The following SSPN variants were observed in gnomAD, a reference collection of about 807,000 sequenced individuals.
The protein encoded by SSPN is sarcospan, also known as K-ras oncogene-associated protein.
Under a neutral mutation model 19.1 loss-of-function variants are expected in SSPN, and 15 were observed. The ratio of observed to expected loss-of-function variants is 0.78; its 90% CI spans 0.52 to 1.21. The LOEUF (loss-of-function observed/expected upper bound fraction) is 1.21, where lower values mean the gene tolerates loss of function less well. Among genes scored for constraint, SSPN ranks in the 50% most tolerant of loss-of-function variants. The pLI is 0.00. For synonymous variants in SSPN, 147 were observed against 140.3 expected, an observed-to-expected ratio of 1.05 and a Z score of -0.34; for missense variants, 291 against 314.0, an observed-to-expected ratio of 0.93 and a Z score of 0.55.
At chr12:26,153,582 A>G (rs1289126469) in intron 1 of SSPN, among the ~76,000 whole-genome samples, 1 of 152,222 alleles carries the variant, frequency 6.6e-6, no homozygotes, top group Non-Finnish European at 1.5e-5. Flanking sequence ...TGAATAATGA[A>G]TAAACAGAAG....
chr12:26,131,624 A>T (rs1171566972), intron 1 of SSPN, among the ~76,000 whole-genome samples: 1 of 152,200 alleles, frequency 6.6e-6, no homozygotes. Flanking sequence ...TAAATGAGGG[A>T]GGAAAGAAGA....
chr12:26,130,695 G>C (rs1302262375), intron 1 of SSPN, among the ~76,000 whole-genome samples: 1 of 152,020 alleles, frequency 6.6e-6, no homozygotes, highest in Non-Finnish European at 1.5e-5. Context: ...GTTCTTTTTT[G>C]GTCACATAAA....
intron 2 of SSPN, among the ~76,000 whole-genome samples, chr12:26,229,242 A>T (rs1023211751): frequency 3.3e-5 from 5 of 152,092 alleles, no homozygotes; most frequent in Non-Finnish European, 7.4e-5. Flanking sequence ...TTAAGAAAAA[A>T]ATGGCTTTAA....
chr12:26,132,809 G>A (rs1944404004), intron 1 of SSPN, among the ~76,000 whole-genome samples: 1 of 152,112 alleles, frequency 6.6e-6, no homozygotes, highest in African/African-American at 2.4e-5. Context: ...TCTCTCTTTG[G>A]TGTTTGAAGC....
At chr12:26,145,289 T>C (rs1243662344) in intron 1 of SSPN, among the ~76,000 whole-genome samples, 1 of 152,206 alleles carries the variant, frequency 6.6e-6, no homozygotes, top group Non-Finnish European at 1.5e-5. Flanking sequence ...AGAGAAGGGT[T>C]GATCCTTCCA....
intron 1 of SSPN, among the ~76,000 whole-genome samples, chr12:26,144,378 A>G (rs1247560031): frequency 6.6e-6 from 1 of 152,208 alleles, no homozygotes; most frequent in Non-Finnish European, 1.5e-5. Context: ...GACCCAGAGG[A>G]GAGTTTGGTG....
intron 1 of SSPN, among the ~76,000 whole-genome samples, chr12:26,164,439 C>G (rs7300970): frequency 0.42 from 63,323 of 152,078 alleles, 15,582 homozygotes; most frequent in Admixed American, 0.57. Flanking sequence ...CTTTGGGAGG[C>G]CGAGGTGGAA....
intron 1 of SSPN, among the ~76,000 whole-genome samples, chr12:26,204,148 A>C (rs930114663): frequency 1.3e-5 from 2 of 152,144 alleles, no homozygotes; most frequent in African/African-American, 4.8e-5. Context: ...TTTACAGCTT[A>C]TTATTGAAAG....
chr12:26,153,747 TG>T lies in SSPN; in HGVS notation c.-31+31598del, dbSNP rs1944539470. 6.6e-5 allele frequency among the ~76,000 whole-genome samples: 10 copies of T among 152,366 alleles called. No homozygotes were observed. The South Asian group carries it at 2.1e-3, about 32-fold the overall frequency. On this transcript the variant is annotated intron_variant, in intron 1 of 2. Transcript: ENST00000538142. ...TGTCTGCAAGGTCTTCCACGAATTC[TG>T]GGTTCTGGTCCTTCTTGAGTGCTGA...
At chr12:26,170,139 C>A (rs975413787) in intron 1 of SSPN, among the ~76,000 whole-genome samples, 26 of 152,132 alleles carry the variant, frequency 1.7e-4, no homozygotes, top group Non-Finnish European at 3.8e-4. Context: ...CCTGCATTCC[C>A]CCAATTCTCA....
At chr12:26,152,811 A>G (rs1392006379) in intron 1 of SSPN, among the ~76,000 whole-genome samples, 1 of 152,210 alleles carries the variant, frequency 6.6e-6, no homozygotes, top group East Asian at 1.9e-4. Context: ...TCCTAGAAGA[A>G]GACTCAAGCT....
At chr12:26,199,703 C>A (rs1436317420) in intron 1 of SSPN, among the ~76,000 whole-genome samples, 1 of 152,186 alleles carries the variant, frequency 6.6e-6, no homozygotes, top group African/African-American at 2.4e-5. Context: ...GGGGATTTTA[C>A]TTCTCACTCA....
intron 1 of SSPN, among the ~76,000 whole-genome samples, chr12:26,203,639 A>T (rs1469851172): frequency 6.6e-6 from 1 of 152,234 alleles, no homozygotes; most frequent in African/African-American, 2.4e-5. Flanking sequence ...TTTAAAATTC[A>T]TATGTGTACA....
intron 1 of SSPN, among the ~76,000 whole-genome samples, chr12:26,214,093 G>A (rs1433147173): frequency 6.6e-6 from 1 of 151,988 alleles, no homozygotes; most frequent in Non-Finnish European, 1.5e-5. Flanking sequence ...TGTGAGATGG[G>A]GGAAAACACC....
chr12:26,122,601 A>C, intron 1 of SSPN: 1 of 1,121,886 alleles, frequency 8.9e-7, no homozygotes, highest in Non-Finnish European at 1.1e-6. Context: ...GTCGGGCCCC[A>C]GAAGCGCGGC....
At chr12:26,201,031 A>ATTATATATATATAATATATATATAT (rs1555179556) in intron 1 of SSPN, among the ~76,000 whole-genome samples, 1 of 60,512 alleles carries the variant, frequency 1.7e-5, no homozygotes, top group African/African-American at 6.9e-5. Context: ...ATATATATAT[A>ATTATATATATATAATATATATATAT]TATATATATA....
intron 2 of SSPN, among the ~76,000 whole-genome samples, chr12:26,228,162 G>A (rs1166825657): frequency 1.3e-5 from 2 of 152,114 alleles, no homozygotes; most frequent in African/African-American, 4.8e-5. Context: ...TTGGGAGGCT[G>A]AGTCAGGAGG....
In SSPN at chr12:26,198,252, C is replaced by G. The variant is rs563056607; in HGVS notation, c.279+2301C>G. Among the ~76,000 whole-genome samples the G allele has an allele frequency of 2.1e-4, 32 of 152,340 alleles. 1 individual carries two copies. Among genetic ancestry groups the G allele is most frequent in the South Asian group, 6.2e-4 (3 of 4,828 alleles). ...GATTTTGGTTCACTGCAACCTCCCC[C>G]TCCCAGGTTCAAGACGTTCTCGTGC... On this transcript the variant is annotated intron_variant, in intron 1 of 2. Transcript: ENST00000242729.
At chr12:26,161,695 C>A (rs1330861788) in intron 1 of SSPN, among the ~76,000 whole-genome samples, 1 of 152,134 alleles carries the variant, frequency 6.6e-6, no homozygotes, top group Non-Finnish European at 1.5e-5. Flanking sequence ...GTACCAGGGA[C>A]CAGTTTCATG....
Sources: allele counts gnomAD v4.1 joint callset (sites outside exome capture counted in the v4.1 genomes callset), GRCh38; gene constraint gnomAD v4.1.1; transcripts MANE v1.5; gene names NCBI Gene and HGNC (gene_info 2026-07-23, HGNC 2026-07-21).